The following PSMD1 variants were observed in gnomAD, a reference collection of about 807,000 sequenced individuals.
PSMD1 encodes proteasome 26S subunit, non-ATPase 1.
A neutral mutation model predicts 119.0 loss-of-function variants in PSMD1; 18 were observed. That is an observed-to-expected ratio of 0.15 (90% CI 0.10 to 0.22). The LOEUF (loss-of-function observed/expected upper bound fraction) is 0.22, where lower values mean the gene tolerates loss of function less well. Among genes scored for constraint, PSMD1 ranks in the 10% least tolerant of loss-of-function variants. The probability of loss-of-function intolerance (pLI) is 1.00; values close to 1 mark genes in which losing one functional copy is unlikely to be tolerated. For missense variants in PSMD1, 702 were observed against 1,158.5 expected, an observed-to-expected ratio of 0.61 and a Z score of 5.72; for synonymous variants, 374 against 396.6, an observed-to-expected ratio of 0.94 and a Z score of 0.68.
At chr2:231,156,260 C>G (rs1381869560) in intron 19 of PSMD1, among the ~76,000 whole-genome samples, 1 of 152,100 alleles carries the variant, frequency 6.6e-6, no homozygotes, top group Non-Finnish European at 1.5e-5. Flanking sequence ...CATATGTCCC[C>G]TTTGCCCCTC....
At chr2:231,087,739 G>A (rs1457459575) in intron 16 of PSMD1, among the ~76,000 whole-genome samples, 3 of 152,136 alleles carry the variant, frequency 2.0e-5, no homozygotes, top group Non-Finnish European at 2.9e-5. Context: ...GAGGAAGGCG[G>A]ATCACGAAGT....
At chr2:231,135,081 TA>T (rs2125244757) in intron 16 of PSMD1, among the ~76,000 whole-genome samples, 1 of 152,284 alleles carries the variant, frequency 6.6e-6, no homozygotes, top group East Asian at 1.9e-4. Flanking sequence ...GGTAATTAAT[TA>T]GGTGGCAAAA....
At chr2:231,154,424 T>G (rs968203861) in intron 19 of PSMD1, among the ~76,000 whole-genome samples, 13 of 152,116 alleles carry the variant, frequency 8.5e-5, no homozygotes, top group Admixed American at 6.5e-5. Flanking sequence ...ACAGTGACAG[T>G]GGTGACAGTG....
intron 16 of PSMD1, among the ~76,000 whole-genome samples, chr2:231,127,050 TAC>T (rs557480766): frequency 2.0e-5 from 3 of 151,970 alleles, no homozygotes; most frequent in Non-Finnish European, 2.9e-5. Flanking sequence ...CACAGACGTA[TAC>T]ACACACACAA....
At chr2:231,130,010 C>T (rs1048053350) in intron 16 of PSMD1, among the ~76,000 whole-genome samples, 1 of 152,096 alleles carries the variant, frequency 6.6e-6, no homozygotes, top group Non-Finnish European at 1.5e-5. Context: ...CCCACCAGCA[C>T]GCCCAGCTAA....
chr2:231,109,087 A>G, intron 16 of PSMD1: 1 of 1,614,210 alleles, frequency 6.2e-7, no homozygotes, highest in Non-Finnish European at 8.5e-7. Context: ...AGTTGGGCAG[A>G]GCCTTGTCCT....
chr2:231,152,122 G>C (rs1318754407), intron 18 of PSMD1, among the ~76,000 whole-genome samples: 1 of 151,920 alleles, frequency 6.6e-6, no homozygotes, highest in Non-Finnish European at 1.5e-5. Flanking sequence ...GGCCACGTGA[G>C]AATTTTTTTA....
intron 16 of PSMD1, among the ~76,000 whole-genome samples, chr2:231,113,457 A>G (rs1695225921): frequency 6.6e-6 from 1 of 152,268 alleles, no homozygotes; most frequent in Non-Finnish European, 1.5e-5. Context: ...CTTTCTGCAT[A>G]TAGAAATCTA....
chr2:231,060,240 C>A (rs1693722247), intron 1 of PSMD1: 1 of 152,192 alleles, frequency 6.6e-6, no homozygotes, highest in Non-Finnish European at 1.5e-5. Context: ...CCAAGAGGTT[C>A]TTTATATCTG....
chr2:231,132,335 C>A (rs1250606348), intron 16 of PSMD1, among the ~76,000 whole-genome samples: 1 of 152,164 alleles, frequency 6.6e-6, no homozygotes, highest in African/African-American at 2.4e-5. Context: ...TCAGTTTTCC[C>A]TGGAATATCC....
intron 1 of PSMD1, among the ~76,000 whole-genome samples, chr2:231,058,815 C>G (rs1414110088): frequency 1.3e-5 from 2 of 152,150 alleles, no homozygotes; most frequent in East Asian, 3.8e-4. Flanking sequence ...TCTTCTCTTC[C>G]TCAGATTTTC....
At chr2:231,109,107 C>G (rs1340269452) in intron 16 of PSMD1, 2 of 1,614,030 alleles carry the variant, frequency 1.2e-6, no homozygotes, top group African/African-American at 2.7e-5. Context: ...TTTCGAGAAC[C>G]ATCCAGCATT....
chr2:231,130,657 G>C (rs1040676820), intron 16 of PSMD1, among the ~76,000 whole-genome samples: 1 of 152,006 alleles, frequency 6.6e-6, no homozygotes, highest in Non-Finnish European at 1.5e-5. Flanking sequence ...GGGGTTTCGC[G>C]GGAATGCCAA....
intron 16 of PSMD1, among the ~76,000 whole-genome samples, chr2:231,118,988 C>T (rs1181776483): frequency 6.6e-6 from 1 of 151,786 alleles, no homozygotes; most frequent in Non-Finnish European, 1.5e-5. Context: ...AAAAGAAAGA[C>T]ATAGTTCAGT....
intron 17 of PSMD1, 45 bp downstream of exon 17, chr2:231,138,895 C>A: frequency 1.4e-6 from 2 of 1,398,108 alleles, no homozygotes; most frequent in Non-Finnish European, 1.0e-6. Flanking sequence ...TGGCGCCAGA[C>A]TGTTTTCCCT....
At chr2:231,150,778 T>C (rs1005002678) in intron 18 of PSMD1, among the ~76,000 whole-genome samples, 2 of 152,122 alleles carry the variant, frequency 1.3e-5, no homozygotes, top group East Asian at 3.9e-4. Flanking sequence ...ATATTTGAAG[T>C]CATAAGCACA....
intron 12 of PSMD1, among the ~76,000 whole-genome samples, chr2:231,081,344 A>G (rs1487250562): frequency 6.6e-6 from 1 of 152,192 alleles, no homozygotes; most frequent in Non-Finnish European, 1.5e-5. Flanking sequence ...AATAGACAGC[A>G]TTAAAAACCA....
chr2:231,108,837 TCACTCCTGAGGAAA>T, intron 16 of PSMD1: 1 of 1,614,170 alleles, frequency 6.2e-7, no homozygotes, highest in Non-Finnish European at 8.5e-7. Context: ...ACCAAAGGAT[TCACTCCTGAGGAAA>T]CATAGCCTAT....
At chr2:231,094,764 G>A (rs538873142) in intron 16 of PSMD1, among the ~76,000 whole-genome samples, 6 of 152,196 alleles carry the variant, frequency 3.9e-5, no homozygotes, top group Admixed American at 6.5e-5. Context: ...GATAAGAACT[G>A]AATTAAGTTT....
Sources: gnomAD v4.1 joint callset for allele counts (sites outside exome capture counted in the v4.1 genomes callset) on GRCh38, gnomAD v4.1.1 for gene constraint, MANE v1.5 for transcripts, NCBI Gene and HGNC (gene_info 2026-07-23, HGNC 2026-07-21) for gene names.